The following PRDM2 variants were observed in gnomAD, a reference collection of about 807,000 sequenced individuals.
The protein encoded by PRDM2 is PR domain zinc finger protein 2.
PRDM2 carries 30 observed loss-of-function variants against 130.0 expected under a neutral mutation model. The ratio of observed to expected loss-of-function variants is 0.23; its 90% CI spans 0.17 to 0.31. The LOEUF (loss-of-function observed/expected upper bound fraction) is 0.31, where lower values mean the gene tolerates loss of function less well. PRDM2 is among the 10% of genes least tolerant of loss of function. PRDM2 has a pLI of 1.00. For synonymous variants in PRDM2, 871 were observed against 782.4 expected (o/e 1.11, Z -1.89); for missense variants, 2,011 against 2,108.4 (o/e 0.95, Z 0.90).
intron 8 of PRDM2, among the ~76,000 whole-genome samples, chr1:13,796,527 G>A (rs1040270285): frequency 5.3e-5 from 8 of 152,130 alleles, no homozygotes; most frequent in Admixed American, 1.3e-4. Flanking sequence ...AGGCTGAGGC[G>A]GGAGGATCAT....
chr1:13,731,427 G>A (rs1643107647), intron 3 of PRDM2, among the ~76,000 whole-genome samples: 1 of 152,092 alleles, frequency 6.6e-6, no homozygotes, highest in South Asian at 2.1e-4. Context: ...CACAGAACGT[G>A]TTGTTCCCTT....
chr1:13,747,453 AT>A (rs1270234664), intron 5 of PRDM2, among the ~76,000 whole-genome samples: 1 of 152,192 alleles, frequency 6.6e-6, no homozygotes, highest in African/African-American at 2.4e-5. Flanking sequence ...GGCTGTTTTA[AT>A]TTATTAATAT....
chr1:13,735,711 A>G (rs1181425444), intron 4 of PRDM2, among the ~76,000 whole-genome samples: 1 of 152,188 alleles, frequency 6.6e-6, no homozygotes, highest in Non-Finnish European at 1.5e-5. Context: ...ATGAACCTGC[A>G]CTGACATATC....
chr1:13,769,113 T>G, intron 6 of PRDM2: 1 of 984,344 alleles, frequency 1.0e-6, no homozygotes, highest in Non-Finnish European at 1.2e-6. Flanking sequence ...CTCTTTCTTG[T>G]CTAGACCAAG....
rs368818483 is a variant in PRDM2, at chr1:13,773,133, A to G, written c.567A>G (p.Gln189=). ...KNKGNKIQDI[Q]LKTSEPDFTS... is the part of the protein sequence containing the mutation. ...AAGGAAACAAAATCCAAGACATACA[A>G]CTGAAGACAAGTGAGCCAGATTTCA... The change falls in exon 7 of 10, where the codon CAA becomes CAG. Residue 189 remains glutamine, a synonymous_variant. Transcript: ENST00000311066. 56 of 1,580,572 alleles carry G rather than the reference A, an allele frequency of 3.5e-5. No individual in the cohort carries two copies. Among genetic ancestry groups the G allele is most frequent in the African/African-American group, 2.9e-4 (21 of 73,580 alleles).
At chr1:13,800,315 G>A (rs1644987259) in intron 8 of PRDM2, among the ~76,000 whole-genome samples, 1 of 152,204 alleles carries the variant, frequency 6.6e-6, no homozygotes, top group Non-Finnish European at 1.5e-5. Context: ...AATGGGGAGT[G>A]CCTTGATTAC....
In PRDM2 at chr1:13,781,650, A is replaced by G. The variant is rs903904095; in HGVS notation, c.3855A>G (p.Pro1285=). The G allele has an allele frequency of 6.2e-7, 1 of 1,614,040 alleles. No homozygotes were observed. The highest frequency in any genetic ancestry group is 2.2e-5 in the East Asian group (1 of 44,886). The change falls in exon 8 of 10, where the codon CCA becomes CCG. Residue 1285 remains proline (P), a synonymous_variant. Coordinates refer to ENST00000311066, the MANE Select transcript of PRDM2 (RefSeq NM_001393986.1). The surrounding 1 kb of genome is among the most constrained non-coding windows in gnomAD (Gnocchi z 6.1). ...IMASGIKTKD[P]DVRLGLNQHY... is the part of the protein sequence containing the mutation. Reference sequence around the variant, plus strand: ...CTTCTGGAATAAAGACAAAAGATCCAGATGTTCGATTGGGCCTCAATCAGC... The same window carrying G: ...CTTCTGGAATAAAGACAAAAGATCCGGATGTTCGATTGGGCCTCAATCAGC...
intron 1 of PRDM2, among the ~76,000 whole-genome samples, chr1:13,704,103 C>T (rs3806424): frequency 0.018 from 2,746 of 152,198 alleles, 65 homozygotes; most frequent in South Asian, 0.12. Context: ...TTGTGGCATA[C>T]GTAATCTTTA....
At chr1:13,807,053 T>C (rs1210423929) in intron 8 of PRDM2, among the ~76,000 whole-genome samples, 3 of 152,166 alleles carry the variant, frequency 2.0e-5, no homozygotes, top group Admixed American at 2.0e-4. Context: ...CATTTTCTCT[T>C]GTATATTTCA....
In PRDM2 at chr1:13,720,720, A is replaced by G. The variant is rs76596734; in HGVS notation, c.9+5106A>G. Among the ~76,000 whole-genome samples, 158 of 152,300 alleles carry G rather than the reference A, an allele frequency of 1.0e-3. 1 individual carries two copies. In the East Asian group the frequency reaches 0.027, roughly 26 times the overall value. ...GTCATTTACTATTGATTGCAACCAC[A>G]TGGGGTGGGCACCATTACTATCCCT... On this transcript the variant is annotated intron_variant, in intron 2 of 9. Transcript: ENST00000311066.
intron 6 of PRDM2, among the ~76,000 whole-genome samples, chr1:13,756,314 CA>C (rs375154897): frequency 2.6e-5 from 4 of 151,358 alleles, no homozygotes; most frequent in Non-Finnish European, 5.9e-5. Context: ...CCAAGAACAC[CA>C]TTGTGGAGGT....
intron 2 of PRDM2, among the ~76,000 whole-genome samples, chr1:13,721,410 TA>T (rs1432696370): frequency 6.6e-6 from 1 of 151,900 alleles, no homozygotes; most frequent in Non-Finnish European, 1.5e-5. Flanking sequence ...TATAGAAGTA[TA>T]TTTTTTATAG....
intron 6 of PRDM2, among the ~76,000 whole-genome samples, chr1:13,761,428 A>G (rs932165305): frequency 2.0e-5 from 3 of 152,198 alleles, no homozygotes; most frequent in Non-Finnish European, 4.4e-5. Flanking sequence ...TAATTTGACG[A>G]TACCAGTTTT....
intron 8 of PRDM2, among the ~76,000 whole-genome samples, chr1:13,800,800 G>C (rs375281903): frequency 1.3e-5 from 2 of 152,314 alleles, no homozygotes; most frequent in South Asian, 2.1e-4. Context: ...GGAGGGTTGG[G>C]GGGGGTCTCC....
At chr1:13,710,398 T>C (rs572704683) in intron 1 of PRDM2, among the ~76,000 whole-genome samples, 1 of 152,354 alleles carries the variant, frequency 6.6e-6, no homozygotes, top group Admixed American at 6.5e-5. Flanking sequence ...TTTATTGTGG[T>C]TATATTGATA....
chr1:13,714,864 C>T (rs975650439), intron 1 of PRDM2, among the ~76,000 whole-genome samples: 37 of 152,258 alleles, frequency 2.4e-4, no homozygotes, highest in Middle Eastern at 6.8e-3. Flanking sequence ...TCAAGGCATA[C>T]GTTGCAGAAA....
Position 13,779,916 on chromosome 1 carries a change from A to G in PRDM2, c.2121A>G (p.Ser707=). Reference sequence around the variant, plus strand: ...ATAAACTAACTCCTGCAGGGATTTCAGCAACTGAAATAGCTAAATTAGGTC... The same window carrying G: ...ATAAACTAACTCCTGCAGGGATTTCGGCAACTGAAATAGCTAAATTAGGTC... ...TQDKLTPAGI[S]ATEIAKLGPV... The change falls in exon 8 of 10, where the codon TCA becomes TCG. Residue 707 remains serine (S), a synonymous_variant. Transcript: ENST00000311066. This position sits in a 1 kb window ranked among gnomAD's most constrained non-coding sequence, Gnocchi z 4.9. The G allele has an allele frequency of 6.2e-7, 1 of 1,614,154 alleles. No homozygotes were observed. Among genetic ancestry groups the G allele is most frequent in the Non-Finnish European group, 8.5e-7 (1 of 1,180,008 alleles).
intron 6 of PRDM2, among the ~76,000 whole-genome samples, chr1:13,755,011 CTCTGGTG>C (rs1467682608): frequency 6.6e-6 from 1 of 152,128 alleles, no homozygotes; most frequent in Non-Finnish European, 1.5e-5. Flanking sequence ...AATGTCCCGT[CTCTGGTG>C]GTTGCCTGCC....
chr1:13,766,637 A>G (rs1346108561), intron 6 of PRDM2, among the ~76,000 whole-genome samples: 1 of 152,156 alleles, frequency 6.6e-6, no homozygotes, highest in African/African-American at 2.4e-5. Flanking sequence ...AGCTGTGGAA[A>G]TCTCCCAGTT....
Sources: allele counts gnomAD v4.1 joint callset (sites outside exome capture counted in the v4.1 genomes callset), GRCh38; gene constraint gnomAD v4.1.1; non-coding constraint Gnocchi (gnomAD v3.1); transcripts MANE v1.5; gene names NCBI Gene and HGNC (gene_info 2026-07-23, HGNC 2026-07-21).